Variants in IL1RAPL2 observed in about 807,000 individuals in gnomAD.
The protein encoded by IL1RAPL2 is X-linked interleukin-1 receptor accessory protein-like 2.
In IL1RAPL2, 3 loss-of-function variants were observed where a neutral mutation model predicts 44.1. That is an observed-to-expected ratio of 0.07 (90% CI 0.03 to 0.18). The LOEUF (loss-of-function observed/expected upper bound fraction) is 0.18, where lower values mean the gene tolerates loss of function less well. Ranked by LOEUF, IL1RAPL2 falls within the 10% of genes least tolerant of loss-of-function variation. IL1RAPL2 has a pLI of 1.00. For synonymous variants in IL1RAPL2, 181 were observed against 178.8 expected (o/e 1.01, Z -0.10); for missense variants, 391 against 496.4 (o/e 0.79, Z 2.02).
chrX:105,377,114 C>G (rs750728547), intron 5 of IL1RAPL2, among the ~76,000 whole-genome samples: 1 of 111,490 alleles, frequency 9.0e-6, no homozygotes, highest in Non-Finnish European at 1.9e-5. Context: ...GTTACACAAG[C>G]TTAGAGGATG....
chrX:104,855,380 G>A (rs990923655), intron 2 of IL1RAPL2, among the ~76,000 whole-genome samples: 2 of 111,182 alleles, frequency 1.8e-5, no homozygotes, highest in East Asian at 5.7e-4. Flanking sequence ...GGAAGGAATG[G>A]GGTAAGGGAA....
At chrX:105,708,783 T>C (rs1015111164) in intron 6 of IL1RAPL2, among the ~76,000 whole-genome samples, 4 of 112,067 alleles carry the variant, frequency 3.6e-5, no homozygotes, top group Non-Finnish European at 7.5e-5. Flanking sequence ...GAATTTAATA[T>C]GGACTGAAAC....
chrX:105,079,902 A>C (rs747937450), intron 2 of IL1RAPL2, among the ~76,000 whole-genome samples: 1 of 111,610 alleles, frequency 9.0e-6, no homozygotes, highest in Non-Finnish European at 1.9e-5. Flanking sequence ...TCTAAATGGT[A>C]TGAGATGGTA....
chrX:105,580,782 C>A (rs1380595870), intron 6 of IL1RAPL2, among the ~76,000 whole-genome samples: 1 of 111,541 alleles, frequency 9.0e-6, no homozygotes, highest in Non-Finnish European at 1.9e-5. Flanking sequence ...TCTGCTTGGC[C>A]TCACTGGGCC....
At chrX:105,095,543 C>G (rs905489588) in intron 2 of IL1RAPL2, among the ~76,000 whole-genome samples, 1 of 111,718 alleles carries the variant, frequency 9.0e-6, no homozygotes. Context: ...GAAATAAACT[C>G]ATATATCTAT....
intron 5 of IL1RAPL2, among the ~76,000 whole-genome samples, chrX:105,458,436 A>C (rs2036071025): frequency 8.9e-6 from 1 of 112,003 alleles, no homozygotes; most frequent in Non-Finnish European, 1.9e-5. Context: ...AAATTCATAG[A>C]TAAACCTTAA....
intron 2 of IL1RAPL2, among the ~76,000 whole-genome samples, chrX:104,811,921 T>C (rs950909771): frequency 3.6e-5 from 4 of 111,061 alleles, no homozygotes; most frequent in African/African-American, 1.3e-4. Flanking sequence ...TGCTCAGATA[T>C]ATTCTTGGTG....
At chrX:104,718,345 C>T (rs757483227) in intron 2 of IL1RAPL2, among the ~76,000 whole-genome samples, 4 of 111,457 alleles carry the variant, frequency 3.6e-5, no homozygotes, top group Non-Finnish European at 5.7e-5. Context: ...TTACATTTCT[C>T]TGATGGCCAG....
chrX:105,235,696 T>G (rs2034114533), intron 4 of IL1RAPL2, among the ~76,000 whole-genome samples: 1 of 112,313 alleles, frequency 8.9e-6, no homozygotes, highest in Admixed American at 9.4e-5. Context: ...CTACAGGTAA[T>G]TTGGTGGGTT....
intron 5 of IL1RAPL2, among the ~76,000 whole-genome samples, chrX:105,280,549 C>T (rs1249034234): frequency 1.8e-5 from 2 of 111,155 alleles, no homozygotes; most frequent in Non-Finnish European, 3.8e-5. Context: ...GGGCTAATAT[C>T]CAGAATCTAC....
intron 6 of IL1RAPL2, among the ~76,000 whole-genome samples, chrX:105,493,743 T>C (rs1317795886): frequency 8.9e-6 from 1 of 111,861 alleles, no homozygotes; most frequent in African/African-American, 3.3e-5. Flanking sequence ...CTTGTACTTC[T>C]GCTCTTTCCT....
chrX:105,046,686 T>C (rs190099019), intron 2 of IL1RAPL2, among the ~76,000 whole-genome samples: 150 of 111,576 alleles, frequency 1.3e-3, no homozygotes, highest in Non-Finnish European at 2.5e-3. Flanking sequence ...CAGCATTATG[T>C]GTAAGTCCTG....
chrX:105,274,596 A>G (rs953345815), intron 5 of IL1RAPL2, among the ~76,000 whole-genome samples: 2 of 112,364 alleles, frequency 1.8e-5, no homozygotes. Context: ...TTGTTCTGAA[A>G]GCAGACAGGT....
At chrX:105,665,970 A>G (rs2037763463) in intron 6 of IL1RAPL2, among the ~76,000 whole-genome samples, 4 of 107,978 alleles carry the variant, frequency 3.7e-5, no homozygotes. Context: ...CACCGTCTTA[A>G]CCAGGATGGT....
intron 2 of IL1RAPL2, among the ~76,000 whole-genome samples, chrX:105,161,218 AAATAATAAT>A (rs34426902): frequency 2.0e-5 from 2 of 101,033 alleles, no homozygotes; most frequent in Non-Finnish European, 4.0e-5. Flanking sequence ...ACCCTGTCTC[AAATAATAAT>A]AATAATAATA....
intron 6 of IL1RAPL2, among the ~76,000 whole-genome samples, chrX:105,577,547 TTTGA>T (rs1320974732): frequency 9.0e-6 from 1 of 110,825 alleles, no homozygotes; most frequent in African/African-American, 3.3e-5. Context: ...TTGTGATTAA[TTTGA>T]TTGATAGCTT....
At chrX:104,853,760 A>G (rs1213540773) in intron 2 of IL1RAPL2, among the ~76,000 whole-genome samples, 2 of 107,740 alleles carry the variant, frequency 1.9e-5, no homozygotes, top group South Asian at 4.2e-4. Flanking sequence ...AACATTAGCC[A>G]GGCGTGGTAG....
Position 105,586,618 on chromosome X carries a change from T to C in IL1RAPL2, c.772+102231T>C, listed in dbSNP as rs754117833. ...AGAACTCTATCTGATGATACATAGG[T>C]GAGCAGGAATTTCCATTCTGGCTCA... On this transcript the variant is annotated intron_variant, in intron 6 of 10. Transcript: ENST00000372582. Among the ~76,000 whole-genome samples, 4 of 112,123 alleles carry C rather than the reference T, an allele frequency of 3.6e-5. No homozygotes were observed. The South Asian group carries it at 1.1e-3, about 31-fold the overall frequency.
chrX:104,582,822 C>CTTTCTCTTTCTTTCTTTGTT (rs748809592), intron 1 of IL1RAPL2, among the ~76,000 whole-genome samples: 5 of 40,663 alleles, frequency 1.2e-4, no homozygotes, highest in Non-Finnish European at 2.1e-4. Flanking sequence ...TCCTTTCTTT[C>CTTTCTCTTTCTTTCTTTGTT]TCTTTCTTTC....
Sources: allele counts gnomAD v4.1 joint callset (sites outside exome capture counted in the v4.1 genomes callset), GRCh38; gene constraint gnomAD v4.1.1; transcripts MANE v1.5; gene names NCBI Gene and HGNC (gene_info 2026-07-23, HGNC 2026-07-21).